Variants in CDH12 observed in about 807,000 individuals in gnomAD.
CDH12 encodes cadherin 12.
A neutral mutation model predicts 74.1 loss-of-function variants in CDH12; 41 were observed. The ratio of observed to expected loss-of-function variants is 0.55; its 90% CI spans 0.43 to 0.72. The LOEUF (loss-of-function observed/expected upper bound fraction) is 0.72, where lower values mean the gene tolerates loss of function less well. CDH12 is among the 30% of genes least tolerant of loss of function. CDH12 has a pLI of 0.00. For missense variants in CDH12, 945 were observed against 977.2 expected (o/e 0.97, Z 0.44); for synonymous variants, 399 against 355.0 (o/e 1.12, Z -1.39).
intron 3 of CDH12, among the ~76,000 whole-genome samples, chr5:22,336,913 C>T (rs1899799): frequency 0.055 from 8,422 of 152,228 alleles, 522 homozygotes; most frequent in African/African-American, 0.15. Flanking sequence ...CACCATCCAC[C>T]TGGAAACACT....
intron 6 of CDH12, among the ~76,000 whole-genome samples, chr5:21,934,681 C>G (rs976002858): frequency 6.6e-6 from 1 of 152,184 alleles, no homozygotes; most frequent in East Asian, 1.9e-4. Flanking sequence ...CATAAGGAAG[C>G]ACTAGAAACT....
intron 5 of CDH12, among the ~76,000 whole-genome samples, chr5:22,033,846 C>T (rs764182360): frequency 6.6e-6 from 1 of 152,092 alleles, no homozygotes; most frequent in Admixed American, 6.5e-5. Context: ...CTCACAGAGC[C>T]CTGTACTCTC....
chr5:22,343,323 C>CAGAGAGAGAGAGAG lies in CDH12; in HGVS notation c.-333+61920_-333+61933dup, dbSNP rs377016972. On this transcript the variant is annotated intron_variant, in intron 3 of 14. Transcript: ENST00000382254. ...ACACACACACACACAGACACACACA[C>CAGAGAGAGAGAGAG]AGAGAGAGAGAGAGAGAGAGAGAGA... Among the ~76,000 whole-genome samples the CAGAGAGAGAGAGAG allele has an allele frequency of 8.6e-4, 117 of 136,336 alleles. 2 individuals are homozygous for CAGAGAGAGAGAGAG. Among genetic ancestry groups the CAGAGAGAGAGAGAG allele is most frequent in the African/African-American group, 3.2e-3 (109 of 34,486 alleles). 89.4% of individuals were successfully genotyped at this position (136,336 alleles called of 152,430 possible).
rs1452085160 is a variant in CDH12 at position 21,766,924 on chromosome 5, G to A, written c.1394-1825C>T. Among the ~76,000 whole-genome samples the A allele has an allele frequency of 3.3e-5, 5 of 151,926 alleles. No homozygotes were observed. The East Asian group carries it at 5.8e-4, about 18-fold the overall frequency. On this transcript the variant is annotated intron_variant, in intron 11 of 14. Coordinates refer to ENST00000382254, the MANE Select transcript of CDH12 (RefSeq NM_004061.5). ...GAGACAGGGATGTAATTTCTCAAAT[G>A]TCATAAGTCAAAAGTGGTAAGGCTA... is the stretch of plus-strand genomic sequence containing the variant.
At chr5:22,750,335 G>A (rs1414709168) in intron 1 of CDH12, among the ~76,000 whole-genome samples, 2 of 152,108 alleles carry the variant, frequency 1.3e-5, no homozygotes, top group Admixed American at 1.3e-4. Context: ...ATAGGTAAGG[G>A]CAAGCCATTT....
chr5:21,775,256 C>T (rs1346226281), intron 11 of CDH12, among the ~76,000 whole-genome samples: 1 of 152,204 alleles, frequency 6.6e-6, no homozygotes. Context: ...CACTTTGTTT[C>T]TCGTAAGGTT....
At position 22,421,323 on chromosome 5, in the gene CDH12, T is replaced by C. The variant is rs1275565749; in HGVS notation, c.-427-15972A>G. Among the ~76,000 whole-genome samples the C allele has an allele frequency of 2.6e-5, 4 of 152,174 alleles. No homozygotes were observed. In the South Asian group the frequency reaches 8.3e-4, roughly 31 times the overall value. The stretch of plus-strand genomic sequence containing the variant: ...CATCTACATTAGGTATTTCTCCTAA[T>C]GCTAGCCCTCCCCTAACCTGCACTC... On this transcript the variant is annotated intron_variant, in intron 2 of 14. Transcript: ENST00000382254.
At chr5:22,160,981 A>ATGGC (rs1748310365) in intron 4 of CDH12, among the ~76,000 whole-genome samples, 1 of 152,182 alleles carries the variant, frequency 6.6e-6, no homozygotes. Flanking sequence ...AAAGTCATGC[A>ATGGC]TGGCTCTGCA....
chr5:22,689,590 A>G (rs1264912166), intron 1 of CDH12, among the ~76,000 whole-genome samples: 1 of 148,900 alleles, frequency 6.7e-6, no homozygotes, highest in African/African-American at 2.5e-5. Context: ...ATTTATTCCT[A>G]TATATTGCAA....
chr5:22,823,201 G>T (rs762890258), intron 1 of CDH12, among the ~76,000 whole-genome samples: 165 of 148,246 alleles, frequency 1.1e-3, no homozygotes, highest in Non-Finnish European at 1.8e-3. Context: ...CTTGGACACA[G>T]GAAGGGGAAC....
In CDH12 at chr5:21,947,775, A is replaced by G. The variant is rs113626111; in HGVS notation, c.526+27316T>C. 2.6e-3 allele frequency among the ~76,000 whole-genome samples: 403 copies of G among 152,344 alleles called. 2 individuals are homozygous for G. Among genetic ancestry groups the G allele is most frequent in the African/African-American group, 9.3e-3 (385 of 41,590 alleles). ...TTTCTTGGGCGTATCACAGACTTCC[A>G]TGGCAGCCCTTCTCATCACAGACCC... On this transcript the variant is annotated intron_variant, in intron 6 of 14. Transcript: ENST00000382254.
intron 1 of CDH12, among the ~76,000 whole-genome samples, chr5:22,599,261 G>A (rs1286237514): frequency 1.3e-5 from 2 of 152,146 alleles, no homozygotes; most frequent in African/African-American, 4.8e-5. Flanking sequence ...AACCTCAGAA[G>A]TCTTCCTTGA....
At chr5:21,846,310 C>A (rs1318043728) in intron 7 of CDH12, among the ~76,000 whole-genome samples, 1 of 152,108 alleles carries the variant, frequency 6.6e-6, no homozygotes, top group African/African-American at 2.4e-5. Context: ...ATTCGGGTGC[C>A]CTCTCTCTGC....
chr5:22,461,022 A>G (rs1366802130), intron 2 of CDH12, among the ~76,000 whole-genome samples: 3 of 132,792 alleles, frequency 2.3e-5, no homozygotes, highest in African/African-American at 8.5e-5. Flanking sequence ...CGCCAGGCCA[A>G]TGTCTAGCTT....
chr5:22,746,805 G>T (rs973033881), intron 1 of CDH12, among the ~76,000 whole-genome samples: 4 of 152,086 alleles, frequency 2.6e-5, no homozygotes, highest in African/African-American at 9.7e-5. Flanking sequence ...GCTTAAAGAA[G>T]AATATTTAGC....
intron 5 of CDH12, among the ~76,000 whole-genome samples, chr5:22,024,196 G>C (rs1738186881): frequency 6.6e-6 from 1 of 152,164 alleles, no homozygotes; most frequent in Admixed American, 6.5e-5. Flanking sequence ...ATATACGGAA[G>C]ATAATTACAT....
intron 3 of CDH12, among the ~76,000 whole-genome samples, chr5:22,345,616 T>C (rs1740076357): frequency 6.6e-6 from 1 of 152,202 alleles, no homozygotes; most frequent in Non-Finnish European, 1.5e-5. Flanking sequence ...ATGGCTGTCA[T>C]TTCAATAGCT....
At chr5:22,323,093 G>T (rs1738950981) in intron 3 of CDH12, among the ~76,000 whole-genome samples, 1 of 152,068 alleles carries the variant, frequency 6.6e-6, no homozygotes, top group South Asian at 2.1e-4. Context: ...ATTTGTAATT[G>T]ATCAGCAATG....
At chr5:22,035,721 C>CACAT (rs1739135037) in intron 5 of CDH12, among the ~76,000 whole-genome samples, 1 of 98,930 alleles carries the variant, frequency 1.0e-5, no homozygotes, top group African/African-American at 3.9e-5. Flanking sequence ...CATACACACA[C>CACAT]ACACACACAC....
Sources: gnomAD v4.1 joint callset for allele counts (sites outside exome capture counted in the v4.1 genomes callset) on GRCh38, gnomAD v4.1.1 for gene constraint, MANE v1.5 for transcripts, NCBI Gene and HGNC (gene_info 2026-07-23, HGNC 2026-07-21) for gene names.